PPP3CA: variants seen among roughly 807,000 people sequenced by gnomAD.
The protein encoded by PPP3CA is CAM-PRP catalytic subunit.
PPP3CA carries 14 observed loss-of-function variants against 66.5 expected under a neutral mutation model. The ratio of observed to expected loss-of-function variants is 0.21; its 90% CI spans 0.14 to 0.33. PPP3CA has a LOEUF of 0.33. Among genes scored for constraint, PPP3CA ranks in the 10% least tolerant of loss-of-function variants. PPP3CA has a pLI of 1.00. For synonymous variants in PPP3CA, 232 were observed against 226.2 expected (o/e 1.03, Z -0.23); for missense variants, 317 against 639.5 (o/e 0.50, Z 5.44).
intron 2 of PPP3CA, among the ~76,000 whole-genome samples, chr4:101,187,994 G>C (rs899974794): frequency 6.6e-6 from 1 of 152,122 alleles, no homozygotes; most frequent in Non-Finnish European, 1.5e-5. Flanking sequence ...AAGCAATATA[G>C]GATGTATGAT....
At chr4:101,185,333 C>T (rs1284690341) in intron 2 of PPP3CA, among the ~76,000 whole-genome samples, 1 of 152,094 alleles carries the variant, frequency 6.6e-6, no homozygotes, top group Non-Finnish European at 1.5e-5. Context: ...CCAACAGGAA[C>T]TGAGGTCTTA....
rs141109171 is a variant in PPP3CA, at chr4:101,327,205, G to A, written c.58+19534C>T. 1.0e-2 allele frequency among the ~76,000 whole-genome samples: 1,517 copies of A among 152,282 alleles called. 11 individuals carry two copies. Among genetic ancestry groups the A allele is most frequent in the Non-Finnish European group, 0.016 (1,060 of 68,030 alleles). On this transcript the variant is annotated intron_variant, in intron 1 of 13. Transcript: ENST00000394854. ...CACATTTCCATTTTTTAAGAATATG[G>A]AGAACAGTCTTACTTCTGTCCAAGA...
At chr4:101,032,723 T>TGTTAA (rs569044520) in intron 11 of PPP3CA, among the ~76,000 whole-genome samples, 64 of 152,246 alleles carry the variant, frequency 4.2e-4, no homozygotes, top group African/African-American at 1.4e-3. Flanking sequence ...AGAATGCTGA[T>TGTTAA]GTTAAGTTTT....
At chr4:101,246,282 A>G (rs558047481) in intron 1 of PPP3CA, among the ~76,000 whole-genome samples, 1 of 152,220 alleles carries the variant, frequency 6.6e-6, no homozygotes, top group Non-Finnish European at 1.5e-5. Flanking sequence ...GATATCAACT[A>G]CAATCCACAC....
In PPP3CA at chr4:101,301,972, A is replaced by G. The variant is rs12648589; in HGVS notation, c.58+44767T>C. Among the ~76,000 whole-genome samples the G allele has an allele frequency of 1.0e-3, 155 of 152,168 alleles. 1 individual carries two copies. In the East Asian group the frequency reaches 0.027, roughly 26 times the overall value. On this transcript the variant is annotated intron_variant, in intron 1 of 13. Transcript: ENST00000394854. ...TTTAATGTAGTTTATAGAATATCCTAAAGAAATTTGTTTCGAAGAAAAAAA... is the reference window on the plus strand; with the variant it reads ...TTTAATGTAGTTTATAGAATATCCTGAAGAAATTTGTTTCGAAGAAAAAAA...
intron 1 of PPP3CA, among the ~76,000 whole-genome samples, chr4:101,249,971 T>C (rs1422280124): frequency 6.6e-6 from 1 of 152,206 alleles, no homozygotes; most frequent in African/African-American, 2.4e-5. Context: ...TTCTCAGTGC[T>C]AGCCATTTAA....
At chr4:101,127,457 G>A (rs568883758) in intron 2 of PPP3CA, among the ~76,000 whole-genome samples, 1 of 152,188 alleles carries the variant, frequency 6.6e-6, no homozygotes, top group South Asian at 2.1e-4. Context: ...CAGAATCAGA[G>A]AGGCCATGTA....
At position 101,070,409 on chromosome 4, in the gene PPP3CA, A is replaced by G. The variant is rs1435350601; in HGVS notation, c.956-7052T>C. 3.3e-5 allele frequency among the ~76,000 whole-genome samples: 5 copies of G among 152,236 alleles called. No individual in the cohort carries two copies. In the East Asian group the frequency reaches 5.8e-4, roughly 18 times the overall value. ...GGTAAAAGGCAATGTGTCACCTCAA[A>G]GGCTAAACTGTTTTAAAATTGTAAG... On this transcript the variant is annotated intron_variant, in intron 8 of 13. Transcript: ENST00000394854.
chr4:101,220,299 GT>G (rs33967695), intron 1 of PPP3CA, among the ~76,000 whole-genome samples: 4 of 147,604 alleles, frequency 2.7e-5, no homozygotes, highest in East Asian at 2.0e-4. Flanking sequence ...TTGACAGCAC[GT>G]TTTTTTTTTT....
At chr4:101,281,464 T>C (rs533234909) in intron 1 of PPP3CA, among the ~76,000 whole-genome samples, 48 of 152,224 alleles carry the variant, frequency 3.2e-4, no homozygotes, top group Non-Finnish European at 5.4e-4. Context: ...TGAGATCCAG[T>C]AAAGAAGCCT....
intron 1 of PPP3CA, among the ~76,000 whole-genome samples, chr4:101,299,499 T>A (rs935201757): frequency 1.3e-5 from 2 of 152,042 alleles, no homozygotes; most frequent in African/African-American, 4.8e-5. Flanking sequence ...TGAGCCATCA[T>A]GCCTGGCTCA....
At chr4:101,112,683 T>A (rs1405156994) in intron 2 of PPP3CA, among the ~76,000 whole-genome samples, 2 of 152,182 alleles carry the variant, frequency 1.3e-5, no homozygotes, top group Non-Finnish European at 2.9e-5. Flanking sequence ...AAGTCTCACA[T>A]ACACGTCACA....
At position 101,098,421 on chromosome 4, in the gene PPP3CA, C is replaced by A; in HGVS notation, c.588G>T (p.Leu196=). ...PLAALMNQQF[L]CVHGGLSPEI... The stretch of plus-strand genomic sequence containing the variant: ...CTGGAGACAAACCACCATGCACACA[C>A]AGGAACTGTTGGTTCATCAGGGCAG... Residue 196 remains leucine, a synonymous_variant, in exon 5 of 14, where the codon CTG becomes CTT. Transcript: ENST00000394854. 6.2e-7 allele frequency: 1 copy of A among 1,612,780 alleles called. No individual in the cohort carries two copies. The highest frequency in any genetic ancestry group is 2.2e-5 in the East Asian group (1 of 44,778).
At chr4:101,174,497 A>G (rs997896450) in intron 2 of PPP3CA, among the ~76,000 whole-genome samples, 2 of 152,200 alleles carry the variant, frequency 1.3e-5, no homozygotes, top group African/African-American at 4.8e-5. Context: ...TTCTTGAATT[A>G]AGTACAACAT....
chr4:101,169,737 C>CTT (rs5860661), intron 2 of PPP3CA, among the ~76,000 whole-genome samples: 204 of 149,692 alleles, frequency 1.4e-3, no homozygotes, highest in Non-Finnish European at 2.0e-3. Context: ...AAGTAAATGC[C>CTT]TTTTTTTTTT....
chr4:101,142,468 A>G (rs1435412972), intron 2 of PPP3CA, among the ~76,000 whole-genome samples: 1 of 152,208 alleles, frequency 6.6e-6, no homozygotes, highest in East Asian at 1.9e-4. Flanking sequence ...CAATAATGAT[A>G]ATATCTATCA....
chr4:101,294,794 T>C (rs973760454), intron 1 of PPP3CA, among the ~76,000 whole-genome samples: 19 of 151,974 alleles, frequency 1.3e-4, no homozygotes, highest in Non-Finnish European at 2.1e-4. Flanking sequence ...CAGCACTCTC[T>C]TGCTAGTTGT....
At chr4:101,179,865 T>C (rs1724180736) in intron 2 of PPP3CA, among the ~76,000 whole-genome samples, 3 of 152,302 alleles carry the variant, frequency 2.0e-5, no homozygotes, top group East Asian at 1.9e-4. Context: ...AAATTTCTAA[T>C]GTTTTACTGT....
At chr4:101,160,725 A>G (rs1182224253) in intron 2 of PPP3CA, among the ~76,000 whole-genome samples, 1 of 152,138 alleles carries the variant, frequency 6.6e-6, no homozygotes, top group Non-Finnish European at 1.5e-5. Context: ...ATATATCAAG[A>G]GTATAACTAT....
Sources: allele counts gnomAD v4.1 joint callset (sites outside exome capture counted in the v4.1 genomes callset), GRCh38; gene constraint gnomAD v4.1.1; transcripts MANE v1.5; gene names NCBI Gene and HGNC (gene_info 2026-07-23, HGNC 2026-07-21).